The following AGO1 variants were observed in gnomAD, a reference collection of about 807,000 sequenced individuals.
The protein encoded by AGO1 is protein argonaute-1.
A neutral mutation model predicts 109.2 loss-of-function variants in AGO1; 11 were observed. The ratio of observed to expected loss-of-function variants is 0.10; its 90% confidence interval spans 0.06 to 0.17. AGO1 has a LOEUF of 0.17. AGO1 is among the 10% of genes least tolerant of loss of function. The probability of loss-of-function intolerance (pLI) is 1.00; values close to 1 mark genes in which losing one functional copy is unlikely to be tolerated. For synonymous variants in AGO1, 422 were observed against 418.6 expected, an observed-to-expected ratio of 1.01 and a Z score of -0.10; for missense variants, 574 against 1,140.3, an observed-to-expected ratio of 0.50 and a Z score of 7.15.
At chr1:35,908,500 C>T (rs2765013) in intron 12 of AGO1, among the ~76,000 whole-genome samples, 35,545 of 152,122 alleles carry the variant, frequency 0.23, 6,887 homozygotes, top group East Asian at 0.67. Flanking sequence ...CTCTCTCCCT[C>T]TCTTCAAGAG....
chr1:35,918,006 T>C (rs1255255725), intron 16 of AGO1, among the ~76,000 whole-genome samples: 1 of 152,104 alleles, frequency 6.6e-6, no homozygotes, highest in Non-Finnish European at 1.5e-5. Context: ...GGAACTACCA[T>C]TTATTGAACT....
At chr1:35,879,458 TAAAAA>T (rs1164295719), upstream of AGO1, among the ~76,000 whole-genome samples, 9 of 130,404 alleles carry the variant, frequency 6.9e-5, no homozygotes, top group Non-Finnish European at 1.3e-4. Flanking sequence ...CAAAAAAAAA[TAAAAA>T]AAAGTAAAAT....
In AGO1 at chr1:35,895,225, C is replaced by T. The variant is rs1338758069; in HGVS notation, c.976C>T (p.Leu326=). 6.2e-7 allele frequency: 1 copy of T among 1,614,024 alleles called. No individual in the cohort carries two copies. Among genetic ancestry groups the T allele is most frequent in the Non-Finnish European group, 8.5e-7 (1 of 1,179,948 alleles). The change falls in exon 8 of 19, where the codon CTA becomes TTA. Residue 326 remains leucine (L), a synonymous_variant. Coordinates refer to ENST00000373204, the MANE Select transcript of AGO1 (RefSeq NM_012199.5). Reference sequence around the variant, plus strand: ...GCTCAAGTATCCCCATCTGCCCTGCCTACAAGTTGGCCAGGAACAAAAGCA... The same window carrying T: ...GCTCAAGTATCCCCATCTGCCCTGCTTACAAGTTGGCCAGGAACAAAAGCA... ...LQLKYPHLPC[L]QVGQEQKHTY... is the part of the protein sequence containing the mutation.
intron 8 of AGO1, among the ~76,000 whole-genome samples, chr1:35,898,626 A>G (rs1056859476): frequency 1.3e-5 from 2 of 152,232 alleles, no homozygotes; most frequent in African/African-American, 2.4e-5. Context: ...TCCCATCAGC[A>G]AAGAATGACA....
chr1:35,887,113 C>A (rs1038217270), intron 1 of AGO1, among the ~76,000 whole-genome samples: 2 of 152,136 alleles, frequency 1.3e-5, no homozygotes, highest in African/African-American at 4.8e-5. Flanking sequence ...CCAGGCTGGG[C>A]CTTCATTTCC....
In AGO1 at chr1:35,894,125, G is replaced by A; in HGVS notation, c.738G>A (p.Lys246=). 1 of 1,588,730 alleles carries A rather than the reference G, an allele frequency of 6.3e-7. No homozygotes were observed. The highest frequency in any genetic ancestry group is 8.6e-7 in the Non-Finnish European group (1 of 1,168,054). Reference sequence around the variant, plus strand: ...TCAGGAACATAGATGAGCAGCCCAAGCCCCTCACGGACTCTCAGCGCGTTC... The same window carrying A: ...TCAGGAACATAGATGAGCAGCCCAAACCCCTCACGGACTCTCAGCGCGTTC... ...LDIRNIDEQP[K]PLTDSQRVRF... is the part of the protein sequence containing the mutation. The change falls in exon 6 of 19, where the codon AAG becomes AAA. Residue 246 remains lysine, a synonymous_variant. Transcript: ENST00000373204.
Position 35,927,290 on chromosome 1 carries a change from A to G in AGO1, c.*7683A>G, listed in dbSNP as rs1455253259. On this transcript the variant is annotated 3_prime_UTR_variant, in exon 19 of 19. Transcript: ENST00000373204. Reference sequence around the variant, plus strand: ...TAAATTTTTCTTAAATAAGAAAACTATCATTTCATATGACAAGAAATCCTA... The same window carrying G: ...TAAATTTTTCTTAAATAAGAAAACTGTCATTTCATATGACAAGAAATCCTA... 1.3e-5 allele frequency: 2 copies of G among 152,352 alleles called. No individual in the cohort carries two copies. Among genetic ancestry groups the G allele is most frequent in the South Asian group, 2.1e-4 (1 of 4,834 alleles). The allele number at this position is 152,352 out of a possible 1,614,324, so 9.4% of individuals were successfully genotyped here.
At chr1:35,910,450 C>G (rs1030847902) in intron 12 of AGO1, among the ~76,000 whole-genome samples, 1 of 151,860 alleles carries the variant, frequency 6.6e-6, no homozygotes, top group Non-Finnish European at 1.5e-5. Context: ...ACATGTTTAG[C>G]TCAGTGATAT....
Position 35,924,524 on chromosome 1 carries a change from A to T in AGO1, c.*4917A>T, listed in dbSNP as rs1178959666. 4.6e-5 allele frequency: 7 copies of T among 152,194 alleles called. No individual in the cohort carries two copies. The highest frequency in any genetic ancestry group is 8.8e-5 in the Non-Finnish European group (6 of 68,036). 9.4% of individuals were successfully genotyped at this position (152,194 alleles called of 1,614,324 possible). On this transcript the variant is annotated 3_prime_UTR_variant, in exon 19 of 19. Transcript: ENST00000373204. ...TGAGGAAAATAGTGTCCGTCTCATTAAGGGAATTAAGTTTGGTGGGGGATA... is the reference window on the plus strand; with the variant it reads ...TGAGGAAAATAGTGTCCGTCTCATTTAGGGAATTAAGTTTGGTGGGGGATA...
rs1356536519 is a variant in AGO1 at position 35,917,585 on chromosome 1, G to T, written c.2029-8G>T. 4.4e-6 allele frequency: 7 copies of T among 1,598,896 alleles called. No homozygotes were observed. The highest frequency in any genetic ancestry group is 1.7e-5 in the Admixed American group (1 of 57,660). On this transcript the variant is annotated splice_region_variant and splice_polypyrimidine_tract_variant and intron_variant, in intron 15 of 18. Transcript: ENST00000373204. ...TCTTTGTTTCCCTCCCCATTTTTTT[G>T]TGCCTAGATACTCCACTATGAGCTA...
At position 35,893,823 on chromosome 1, in the gene AGO1, A is replaced by T. The variant is rs1645266046; in HGVS notation, c.649+13A>T. 7 of 1,607,622 alleles carry T rather than the reference A, an allele frequency of 4.4e-6. No homozygotes were observed. The Admixed American group carries it at 5.0e-5, about 12-fold the overall frequency. ...CTCAACATTGATGGTGAGTGGGGAG[A>T]GCTATGGAGCCAGGGGCACCCCAAG... On this transcript the variant is annotated intron_variant, in intron 5 of 18. Coordinates refer to ENST00000373204, the MANE Select transcript of AGO1 (RefSeq NM_012199.5). The surrounding 1 kb of genome is among the most constrained non-coding windows in gnomAD (Gnocchi z 5.6).
intron 12 of AGO1, among the ~76,000 whole-genome samples, chr1:35,908,653 T>C (rs1645572551): frequency 6.6e-6 from 1 of 152,232 alleles, no homozygotes; most frequent in Admixed American, 6.5e-5. Context: ...CCTTTGTCTT[T>C]ACTACTTCTG....
rs1049082123 is a variant in AGO1, at chr1:35,893,045, A to G, written c.331-52A>G. The G allele has an allele frequency of 1.2e-5, 19 of 1,540,252 alleles. No homozygotes were observed. In the African/African-American group the frequency reaches 1.9e-4, roughly 15 times the overall value. On this transcript the variant is annotated intron_variant, in intron 3 of 18. Transcript: ENST00000373204. This position sits in a 1 kb window ranked among gnomAD's most constrained non-coding sequence, Gnocchi z 5.6. ...CAGCAAATCCATGGAGTTGGGGGTCATTCTCGCAGAGCAATGGCAATCCTT... is the reference window on the plus strand; with the variant it reads ...CAGCAAATCCATGGAGTTGGGGGTCGTTCTCGCAGAGCAATGGCAATCCTT...
Position 35,918,365 on chromosome 1 carries a change from C to A in AGO1, c.2207C>A (p.Thr736Asn). The A allele has an allele frequency of 6.2e-7, 1 of 1,614,146 alleles. No homozygotes were observed. The highest frequency in any genetic ancestry group is 1.1e-5 in the South Asian group (1 of 91,080). Residue 736 changes from threonine to asparagine, a missense_variant, in exon 17 of 19, where the codon ACC (threonine) becomes AAC (asparagine). By Grantham distance (65) the Thr-to-Asn change is moderately conservative. Around this residue, in one of 8 missense-constraint regions of AGO1, gnomAD observed 62 missense variants for 192.0 expected, o/e 0.32. Coordinates refer to ENST00000373204, the MANE Select transcript of AGO1 (RefSeq NM_012199.5). Reference sequence around the variant, plus strand: ...ATCCCAGCTGGGACCACAGTGGACACCAACATCACCCACCCATTTGAGTTT... The same window carrying A: ...ATCCCAGCTGGGACCACAGTGGACAACAACATCACCCACCCATTTGAGTTT... The part of the protein sequence containing the change: ...GNIPAGTTVD[T>N]NITHPFEFDF...
chr1:35,899,197 C>T (rs1282208217), intron 8 of AGO1, among the ~76,000 whole-genome samples: 2 of 152,212 alleles, frequency 1.3e-5, no homozygotes, highest in Non-Finnish European at 2.9e-5. Context: ...CAAGGTTCAT[C>T]CGTGTTGTAG....
rs760403225 is a variant in AGO1, at chr1:35,919,022, A to C, written c.2266-33A>C. ...CTATTATCAGCCATCTTCTCTGCCC[A>C]GCCTGGGACCCCTCACCTTCCTATC... On this transcript the variant is annotated intron_variant, in intron 17 of 18. Transcript: ENST00000373204. The surrounding 1 kb of genome is among the most constrained non-coding windows in gnomAD (Gnocchi z 6.6). 2 of 1,601,864 alleles carry C rather than the reference A, an allele frequency of 1.2e-6. No individual in the cohort carries two copies. Among genetic ancestry groups the C allele is most frequent in the East Asian group, 2.2e-5 (1 of 44,842 alleles).
At chr1:35,896,290 T>G (rs1051923343) in intron 8 of AGO1, among the ~76,000 whole-genome samples, 2 of 152,112 alleles carry the variant, frequency 1.3e-5, no homozygotes, top group East Asian at 3.9e-4. Flanking sequence ...TGAGCCACCG[T>G]GCCCAGCCAG....
chr1:35,916,909 A>G (rs1645745579), intron 15 of AGO1, among the ~76,000 whole-genome samples: 1 of 152,242 alleles, frequency 6.6e-6, no homozygotes, highest in Non-Finnish European at 1.5e-5. Flanking sequence ...ACAGACGTGG[A>G]GAAAATGAGA....
At position 35,901,476 on chromosome 1, in the gene AGO1, C is replaced by G; in HGVS notation, c.1023C>G (p.Val341=). The G allele has an allele frequency of 6.2e-7, 1 of 1,613,988 alleles. No individual in the cohort carries two copies. Among genetic ancestry groups the G allele is most frequent in the Non-Finnish European group, 8.5e-7 (1 of 1,179,962 alleles). ...EQKHTYLPLE[V]CNIVAGQRCI... The stretch of plus-strand genomic sequence containing the variant: ...ACCTGTCCTTCTTGTTTCCTCAGGT[C>G]TGTAACATTGTGGCTGGGCAGCGCT... Residue 341 remains valine, a splice_region_variant and synonymous_variant, in exon 9 of 19, where the codon GTC becomes GTG. Coordinates refer to ENST00000373204, the MANE Select transcript of AGO1 (RefSeq NM_012199.5). This position sits in a 1 kb window ranked among gnomAD's most constrained non-coding sequence, Gnocchi z 4.8.
Sources: allele counts gnomAD v4.1 joint callset (sites outside exome capture counted in the v4.1 genomes callset), GRCh38; gene constraint gnomAD v4.1.1; regional missense constraint gnomAD v4.1.1; non-coding constraint Gnocchi (gnomAD v3.1); transcripts MANE v1.5; gene names NCBI Gene and HGNC (gene_info 2026-07-23, HGNC 2026-07-21).